Variants in KANSL1 observed in about 807,000 individuals in gnomAD.
The protein encoded by KANSL1 is MLL1/MLL complex subunit KANSL1.
A neutral mutation model predicts 103.6 loss-of-function variants in KANSL1; 22 were observed. The observed-to-expected ratio is 0.21, with a 90% CI of 0.15 to 0.30. The LOEUF is 0.30. KANSL1 is among the 10% of genes least tolerant of loss of function. The pLI is 1.00. For synonymous variants in KANSL1, 600 were observed against 527.6 expected (o/e 1.14, Z -1.88); for missense variants, 1,337 against 1,399.8 (o/e 0.96, Z 0.72).
intron 6 of KANSL1, among the ~76,000 whole-genome samples, chr17:46,053,284 CA>C (rs2077791251): frequency 1.3e-5 from 2 of 150,788 alleles, no homozygotes; most frequent in South Asian, 4.2e-4. Context: ...ACTCCGTCTC[CA>C]AAAAAATTTA....
intron 2 of KANSL1, among the ~76,000 whole-genome samples, chr17:46,167,457 A>G (rs2046062621): frequency 6.6e-6 from 1 of 152,246 alleles, no homozygotes. Context: ...ATAATCAAGG[A>G]GATAAAATTT....
In KANSL1 at chr17:46,041,167, A is replaced by T. The variant is rs528002489; in HGVS notation, c.2021-1283T>A. On this transcript the variant is annotated intron_variant, in intron 7 of 14. Transcript: ENST00000432791. Reference sequence around the variant, plus strand: ...CTATATAATGACCTTGTAGCCTGTGAAACTACTTCGTTATAGACTTTTTCT... The same window carrying T: ...CTATATAATGACCTTGTAGCCTGTGTAACTACTTCGTTATAGACTTTTTCT... 11 of 152,332 alleles carry T rather than the reference A, an allele frequency of 7.2e-5. No homozygotes were observed. In the South Asian group the frequency reaches 1.9e-3, roughly 26 times the overall value. The allele number at this position is 152,332 out of a possible 1,614,324, so 9.4% of individuals were successfully genotyped here.
intron 2 of KANSL1, among the ~76,000 whole-genome samples, chr17:46,104,546 G>A (rs556878478): frequency 6.6e-6 from 1 of 152,300 alleles, no homozygotes; most frequent in East Asian, 1.9e-4. Flanking sequence ...TTAACTGTAA[G>A]ACAATTTTTA....
chr17:46,133,469 G>A (rs2043968099), intron 2 of KANSL1, among the ~76,000 whole-genome samples: 1 of 152,140 alleles, frequency 6.6e-6, no homozygotes, highest in Non-Finnish European at 1.5e-5. Flanking sequence ...AAAGCTATGA[G>A]GCAGGAAAAA....
chr17:46,031,584 G>A lies in KANSL1; in HGVS notation c.3210C>T (p.Ser1070=). 6.2e-7 allele frequency: 1 copy of A among 1,614,118 alleles called. No homozygotes were observed. The highest frequency in any genetic ancestry group is 8.5e-7 in the Non-Finnish European group (1 of 1,180,014). The change falls in exon 15 of 15, where the codon AGC becomes AGT. Residue 1070 remains serine (S), a synonymous_variant. Transcript: ENST00000432791. The part of the protein sequence containing the change: ...AARCTRRTSG[S]KTGRETEAAP... ...CTGCCTCTGTCTCCCGGCCAGTCTT[G>A]CTGCCTGAGGTGCGTCGAGTGCAGC...
intron 4 of KANSL1, among the ~76,000 whole-genome samples, chr17:46,077,924 T>C (rs905087359): frequency 2.7e-5 from 4 of 147,986 alleles, no homozygotes; most frequent in Non-Finnish European, 6.1e-5. Flanking sequence ...TTCCTCAATT[T>C]TTTTCCATCT....
At chr17:46,116,335 C>A (rs2043046030) in intron 2 of KANSL1, among the ~76,000 whole-genome samples, 1 of 152,186 alleles carries the variant, frequency 6.6e-6, no homozygotes, top group African/African-American at 2.4e-5. Context: ...TCAAGACCAT[C>A]CTGGCTAACA....
At chr17:46,073,294 AG>A (rs2078642474) in intron 4 of KANSL1, among the ~76,000 whole-genome samples, 1 of 152,254 alleles carries the variant, frequency 6.6e-6, no homozygotes, top group African/African-American at 2.4e-5. Flanking sequence ...TCTGTAAAGT[AG>A]GATGAGCAAG....
intron 2 of KANSL1, among the ~76,000 whole-genome samples, chr17:46,110,529 T>C (rs761733624): frequency 1.3e-5 from 2 of 152,148 alleles, no homozygotes; most frequent in Non-Finnish European, 2.9e-5. Context: ...ATAGGTGCTC[T>C]GGGCCAGAGT....
At chr17:46,106,306 T>C (rs1391600106) in intron 2 of KANSL1, among the ~76,000 whole-genome samples, 2 of 152,212 alleles carry the variant, frequency 1.3e-5, no homozygotes, top group African/African-American at 2.4e-5. Flanking sequence ...AGTCTAAGAA[T>C]TGCCTGAGAG....
At chr17:46,044,989 T>C (rs999031664) in intron 7 of KANSL1, 4 of 151,600 alleles carry the variant, frequency 2.6e-5, no homozygotes, top group Non-Finnish European at 5.9e-5. Context: ...AATCAATGAA[T>C]CAAAATCATT....
At chr17:46,200,461 G>A (rs545986072) in intron 1 of KANSL1, among the ~76,000 whole-genome samples, 1 of 152,340 alleles carries the variant, frequency 6.6e-6, no homozygotes, top group South Asian at 2.1e-4. Context: ...TATCTTTACA[G>A]GCTGGGTGCG....
chr17:46,050,305 C>T, intron 7 of KANSL1: 2 of 569,448 alleles, frequency 3.5e-6, no homozygotes, highest in African/African-American at 1.9e-5. Context: ...CTCCTAGCTA[C>T]TTGAAGAGTT....
At chr17:46,222,741 A>C (rs2048570048) in intron 1 of KANSL1, 1 of 152,394 alleles carries the variant, frequency 6.6e-6, no homozygotes, top group South Asian at 2.1e-4. Flanking sequence ...CAACAATCTT[A>C]ACTAAGCTAG....
chr17:46,039,423 C>A, intron 8 of KANSL1: 2 of 603,444 alleles, frequency 3.3e-6, no homozygotes, highest in East Asian at 2.9e-5. Context: ...CACCAGGATA[C>A]AGAAGACACC....
At chr17:46,067,702 T>G in intron 4 of KANSL1, 35 bp from the exon 5 acceptor site, 1 of 1,123,530 alleles carries the variant, frequency 8.9e-7, no homozygotes, top group Non-Finnish European at 1.4e-6. Context: ...AATTAACATG[T>G]ACCCAAGCGC....
intron 2 of KANSL1, among the ~76,000 whole-genome samples, chr17:46,146,902 T>C (rs1173080424): frequency 2.0e-5 from 3 of 152,032 alleles, no homozygotes; most frequent in Admixed American, 6.5e-5. Flanking sequence ...TGTTTCTTTT[T>C]TTGGAAAAGG....
rs546782486 is a variant in KANSL1 at position 46,144,483 on chromosome 17, T to C, written c.1289+26372A>G. 5.0e-4 allele frequency among the ~76,000 whole-genome samples: 76 copies of C among 152,306 alleles called. 1 individual carries two copies. The highest frequency in any genetic ancestry group is 1.8e-3 in the African/African-American group (74 of 41,548). On this transcript the variant is annotated intron_variant, in intron 2 of 14. Coordinates refer to ENST00000432791, the MANE Select transcript of KANSL1 (RefSeq NM_015443.4). ...GAACTCTTAATACAAAAATACATAC[T>C]CAGGCTCAGCATTTTTTCTAATCAT...
At chr17:46,031,817 T>G in intron 14 of KANSL1, 114 bp from the exon 15 acceptor site, 1 of 1,117,862 alleles carries the variant, frequency 8.9e-7, no homozygotes, top group Non-Finnish European at 1.3e-6. Context: ...TATCTAGTGT[T>G]CCTGCGACAG....
Sources: gnomAD v4.1 joint callset for allele counts (sites outside exome capture counted in the v4.1 genomes callset) on GRCh38, gnomAD v4.1.1 for gene constraint, MANE v1.5 for transcripts, NCBI Gene and HGNC (gene_info 2026-07-23, HGNC 2026-07-21) for gene names.